DMD: variants seen among roughly 807,000 people sequenced by gnomAD.
The protein encoded by DMD is dystrophin, also known as mutant dystrophin.
DMD carries 63 observed loss-of-function variants against 330.1 expected under a neutral mutation model. The observed-to-expected ratio is 0.19, with a 90% confidence interval of 0.16 to 0.24. The LOEUF (loss-of-function observed/expected upper bound fraction) is 0.24, where lower values mean the gene tolerates loss of function less well. Ranked by LOEUF, DMD falls within the 10% of genes least tolerant of loss-of-function variation. The pLI is 1.00. For synonymous variants in DMD, 1,223 were observed against 959.8 expected (o/e 1.27, Z -5.07); for missense variants, 3,344 against 2,684.1 (o/e 1.25, Z -5.43).
At chrX:32,308,308 G>A (rs1454126121) in intron 42 of DMD, among the ~76,000 whole-genome samples, 2 of 111,300 alleles carry the variant, frequency 1.8e-5, no homozygotes, top group Non-Finnish European at 3.8e-5. Context: ...TCTGTAATTT[G>A]ATTCATGCAT....
chrX:32,798,983 T>G (rs55959801), intron 7 of DMD, among the ~76,000 whole-genome samples: 10,695 of 111,111 alleles, frequency 0.096, 1,186 homozygotes, highest in African/African-American at 0.32. Flanking sequence ...AAAACAGCCC[T>G]TGTTCAGCCA....
chrX:31,905,452 T>C (rs1482080840), intron 47 of DMD, among the ~76,000 whole-genome samples: 3 of 111,464 alleles, frequency 2.7e-5, no homozygotes, highest in Non-Finnish European at 5.7e-5. Flanking sequence ...GTAAGATTTA[T>C]GTTAAACTGT....
chrX:31,471,428 C>T (rs145679028), intron 59 of DMD, among the ~76,000 whole-genome samples: 1,132 of 111,617 alleles, frequency 0.01, 14 homozygotes, highest in African/African-American at 0.029. Context: ...CTTGTGCTTC[C>T]GGGGTGAGGC....
rs757540881 is a variant in DMD at position 32,078,314 on chromosome X, G to A, written c.6439-109800C>T. On this transcript the variant is annotated intron_variant, in intron 44 of 78. Coordinates refer to ENST00000357033, the MANE Select transcript of DMD (RefSeq NM_004006.3). ...GTTGACTACAAATCTGAAATCAGTC[G>A]CTTCAATCTCTCCAGTACAATCGTC... 9.9e-5 allele frequency among the ~76,000 whole-genome samples: 11 copies of A among 111,228 alleles called. No individual in the cohort carries two copies. The East Asian group carries it at 2.8e-3, about 29-fold the overall frequency.
intron 2 of DMD, among the ~76,000 whole-genome samples, chrX:32,875,850 G>A (rs759618077): frequency 5.4e-5 from 6 of 111,664 alleles, no homozygotes; most frequent in Middle Eastern, 4.2e-3. Flanking sequence ...ATATCTGCAC[G>A]TATTTAAATG....
intron 59 of DMD, among the ~76,000 whole-genome samples, chrX:31,475,389 A>G (rs1334908959): frequency 9.0e-6 from 1 of 111,605 alleles, no homozygotes; most frequent in Non-Finnish European, 1.9e-5. Context: ...GTTATTTTTA[A>G]TTATTAAATT....
chrX:31,380,901 C>T lies in DMD; in HGVS notation c.9085-32267G>A, dbSNP rs141803696. Reference sequence around the variant, plus strand: ...GACAGCCCCCATTACTTCAGTCAAGCCCAAATTTCTTCCTCACCTGTTACC... The same window carrying T: ...GACAGCCCCCATTACTTCAGTCAAGTCCAAATTTCTTCCTCACCTGTTACC... On this transcript the variant is annotated intron_variant, in intron 60 of 78. Transcript: ENST00000357033. Among the ~76,000 whole-genome samples, 568 of 110,727 alleles carry T rather than the reference C, an allele frequency of 5.1e-3. 1 individual carries two copies. Among genetic ancestry groups the T allele is most frequent in the African/African-American group, 0.017 (520 of 30,418 alleles).
chrX:31,917,148 C>A (rs2094619660), intron 47 of DMD, among the ~76,000 whole-genome samples: 1 of 111,304 alleles, frequency 9.0e-6, no homozygotes, highest in African/African-American at 3.3e-5. Flanking sequence ...GGGGGAAATG[C>A]AGAACCTCAG....
intron 29 of DMD, among the ~76,000 whole-genome samples, chrX:32,415,614 T>A (rs1021149836): frequency 2.2e-4 from 25 of 112,390 alleles, no homozygotes; most frequent in African/African-American, 8.1e-4. Flanking sequence ...TTGTTGTTGT[T>A]CCAGAATACT....
At position 32,917,168 on chromosome X, in the gene DMD, C is replaced by G. The variant is rs745873320; in HGVS notation, c.94-67348G>C. Among the ~76,000 whole-genome samples the G allele has an allele frequency of 3.5e-4, 35 of 100,691 alleles. 1 individual carries two copies. The highest frequency in any genetic ancestry group is 1.0e-3 in the African/African-American group (28 of 27,405). 87.4% of individuals were successfully genotyped at this position (100,691 alleles called of 115,157 possible). A position where few individuals can be genotyped will look rare whatever the true frequency, so the allele number is the denominator to read the frequency against. On this transcript the variant is annotated intron_variant, in intron 2 of 78. Coordinates refer to ENST00000357033, the MANE Select transcript of DMD (RefSeq NM_004006.3). Reference sequence around the variant, plus strand: ...TTAAAAGTGTGGCACTTCCCCCCCCCCCACATCCCCCAGCTCCTGCCACCA... The same window carrying G: ...TTAAAAGTGTGGCACTTCCCCCCCCGCCACATCCCCCAGCTCCTGCCACCA...
intron 60 of DMD, among the ~76,000 whole-genome samples, chrX:31,424,837 A>G (rs1239492264): frequency 8.9e-6 from 1 of 112,215 alleles, no homozygotes; most frequent in Non-Finnish European, 1.9e-5. Context: ...ACCTTTTACT[A>G]CAACGTTTAA....
At position 31,191,191 on chromosome X, in the gene DMD, A is replaced by ATGTGTGTG. The variant is rs34438085; in HGVS notation, c.9808-8295_9808-8288dup. 1.4e-3 allele frequency among the ~76,000 whole-genome samples: 151 copies of ATGTGTGTG among 107,192 alleles called. 1 individual carries two copies. Among genetic ancestry groups the ATGTGTGTG allele is most frequent in the African/African-American group, 4.9e-3 (145 of 29,437 alleles). The allele number at this position is 107,192 out of a possible 115,157, so 93.1% of individuals were successfully genotyped here. A position where few individuals can be genotyped will look rare whatever the true frequency, so the allele number is the denominator to read the frequency against. ...AAGCAGGTCTGCTAGTACAATGTGT[A>ATGTGTGTG]TGTGTGTGTGTGTGTGTGTGTGTTT... On this transcript the variant is annotated intron_variant, in intron 67 of 78. Transcript: ENST00000357033.
chrX:32,499,267 A>G (rs1467578720), intron 19 of DMD, among the ~76,000 whole-genome samples: 1 of 112,232 alleles, frequency 8.9e-6, no homozygotes, highest in African/African-American at 3.2e-5. Context: ...CATATAAAAT[A>G]TAGTTCACAG....
chrX:33,215,473 G>A (rs935652705), upstream of DMD, among the ~76,000 whole-genome samples: 6 of 111,346 alleles, frequency 5.4e-5, no homozygotes, highest in Admixed American at 9.5e-5. Context: ...CCCATTCTTC[G>A]TCTGTTTACT....
chrX:32,468,239 C>T (rs1010506742), intron 23 of DMD, among the ~76,000 whole-genome samples: 16 of 110,679 alleles, frequency 1.4e-4, no homozygotes, highest in Non-Finnish European at 2.8e-4. Flanking sequence ...AATTATTAAA[C>T]TAAAAACATG....
intron 2 of DMD, among the ~76,000 whole-genome samples, chrX:32,897,873 T>C (rs1165052611): frequency 3.0e-5 from 2 of 66,800 alleles, no homozygotes; most frequent in Non-Finnish European, 6.3e-5. Context: ...GGAAACGTAA[T>C]GAGAATCTCA....
chrX:32,608,701 T>A (rs1362833393), intron 12 of DMD, among the ~76,000 whole-genome samples: 1 of 110,792 alleles, frequency 9.0e-6, no homozygotes. Context: ...TCAGAACATG[T>A]GTTCTAAAAA....
In DMD at chrX:32,661,656, G is replaced by T. The variant is rs73453036; in HGVS notation, c.961-16504C>A. Among the ~76,000 whole-genome samples the T allele has an allele frequency of 3.7e-3, 411 of 111,469 alleles. 5 individuals carry two copies. The highest frequency in any genetic ancestry group is 0.03 in the Admixed American group (311 of 10,430). On this transcript the variant is annotated intron_variant, in intron 9 of 78. Coordinates refer to ENST00000357033, the MANE Select transcript of DMD (RefSeq NM_004006.3). ...AAGTCTCTCATACACTCACAGAATTGTGGATAGATTTCTTTGATTCATCCA... is the reference window on the plus strand; with the variant it reads ...AAGTCTCTCATACACTCACAGAATTTTGGATAGATTTCTTTGATTCATCCA...
intron 16 of DMD, among the ~76,000 whole-genome samples, chrX:32,555,986 A>G (rs145835909): frequency 0.018 from 1,995 of 112,099 alleles, 67 homozygotes; most frequent in Admixed American, 0.1. Context: ...TAATTAAACT[A>G]AAGAACTTCT....
Sources: gnomAD v4.1 joint callset for allele counts (sites outside exome capture counted in the v4.1 genomes callset) on GRCh38, gnomAD v4.1.1 for gene constraint, MANE v1.5 for transcripts, NCBI Gene and HGNC (gene_info 2026-07-23, HGNC 2026-07-21) for gene names.